Variants in ERC2 observed in about 807,000 individuals in gnomAD.
ERC2 encodes the protein ERC protein 2.
In ERC2, 42 loss-of-function variants were observed where a neutral mutation model predicts 114.8. The observed-to-expected ratio is 0.37, with a 90% CI of 0.29 to 0.47. The LOEUF is 0.47. Among genes scored for constraint, ERC2 ranks in the 20% least tolerant of loss-of-function variants. The pLI, the probability that ERC2 is intolerant of heterozygous loss-of-function variation, is 0.99. For synonymous variants in ERC2, 454 were observed against 425.5 expected (o/e 1.07, Z -0.82); for missense variants, 939 against 1,150.7 (o/e 0.82, Z 2.66).
chr3:56,202,881 C>G (rs1373088885), intron 3 of ERC2, among the ~76,000 whole-genome samples: 1 of 152,096 alleles, frequency 6.6e-6, no homozygotes, highest in African/African-American at 2.4e-5. Flanking sequence ...CTTAAGTGTT[C>G]TAACCACAAA....
At chr3:55,865,474 A>G (rs1278842568) in intron 14 of ERC2, among the ~76,000 whole-genome samples, 1 of 152,100 alleles carries the variant, frequency 6.6e-6, no homozygotes, top group African/African-American at 2.4e-5. Context: ...CATACCATAC[A>G]ATTCACCTAC....
intron 17 of ERC2, among the ~76,000 whole-genome samples, chr3:55,517,730 A>G (rs550239164): frequency 6.0e-4 from 92 of 152,184 alleles, no homozygotes; most frequent in African/African-American, 2.1e-3. Context: ...TCTTGCATAT[A>G]CTCTGGCCAC....
chr3:56,218,232 T>A (rs1381721753), intron 3 of ERC2, among the ~76,000 whole-genome samples: 1 of 152,032 alleles, frequency 6.6e-6, no homozygotes, highest in African/African-American at 2.4e-5. Context: ...ATTTTTGCAA[T>A]CTACTCATCT....
chr3:56,004,979 G>C (rs1363809301), intron 10 of ERC2, among the ~76,000 whole-genome samples: 4 of 149,032 alleles, frequency 2.7e-5, no homozygotes, highest in Admixed American at 6.7e-5. Flanking sequence ...TTTTTTTAAG[G>C]TGATGGGTAT....
At chr3:56,180,233 G>T (rs2083215771) in intron 3 of ERC2, among the ~76,000 whole-genome samples, 2 of 152,152 alleles carry the variant, frequency 1.3e-5, no homozygotes, top group Admixed American at 1.3e-4. Context: ...TTGGGGGATG[G>T]CAGGAGTGAA....
At chr3:56,323,045 A>T (rs2057199062) in intron 2 of ERC2, among the ~76,000 whole-genome samples, 1 of 152,094 alleles carries the variant, frequency 6.6e-6, no homozygotes, top group African/African-American at 2.4e-5. Flanking sequence ...GTCTGTACAC[A>T]CTGTGCTTCC....
chr3:56,349,393 C>A (rs180989616), intron 2 of ERC2, among the ~76,000 whole-genome samples: 1 of 152,330 alleles, frequency 6.6e-6, no homozygotes, highest in Admixed American at 6.5e-5. Flanking sequence ...TACAATTACC[C>A]AATCTCTAAG....
At chr3:56,052,216 G>A (rs934191697) in intron 7 of ERC2, among the ~76,000 whole-genome samples, 3 of 152,170 alleles carry the variant, frequency 2.0e-5, no homozygotes, top group Non-Finnish European at 2.9e-5. Context: ...TGTTTGCTCT[G>A]TGAAAAGCTA....
chr3:56,190,245 C>G lies in ERC2; in HGVS notation c.1075-16725G>C, dbSNP rs1428444606. Reference sequence around the variant, plus strand: ...TTTTATTTGCAAACCTCTTCTTGCTCTGCCACCAACAAGCTGTGAAACCTT... The same window carrying G: ...TTTTATTTGCAAACCTCTTCTTGCTGTGCCACCAACAAGCTGTGAAACCTT... On this transcript the variant is annotated intron_variant, in intron 3 of 17. Transcript: ENST00000288221. Among the ~76,000 whole-genome samples the G allele has an allele frequency of 2.0e-5, 3 of 152,170 alleles. No homozygotes were observed. In the East Asian group the frequency reaches 5.8e-4, roughly 29 times the overall value.
intron 7 of ERC2, among the ~76,000 whole-genome samples, chr3:56,065,499 T>C (rs989620506): frequency 6.6e-6 from 1 of 152,004 alleles, no homozygotes; most frequent in Non-Finnish European, 1.5e-5. Context: ...CCTCATGATA[T>C]TCTGACATGG....
chr3:55,888,395 T>C lies in ERC2; in HGVS notation c.2558A>G (p.Glu853Gly). Residue 853 changes from glutamate to glycine, a missense_variant, in exon 14 of 18, where the codon GAG becomes GGG. Around this residue, in one of 5 missense-constraint regions of ERC2, gnomAD observed 328 missense variants for 353.9 expected, o/e 0.93. Transcript: ENST00000288221. ...AGCAGCAATGGGTACTCACTTCATC[T>C]CCAGGATCTCCTCCAGCTGTTTCCT... ...ERRKQLEEILEMKQEALLAAI... is the reference protein window; with the variant it reads ...ERRKQLEEILGMKQEALLAAI... 2 of 1,613,812 alleles carry C rather than the reference T, an allele frequency of 1.2e-6. No individual in the cohort carries two copies. Among genetic ancestry groups the C allele is most frequent in the Non-Finnish European group, 1.7e-6 (2 of 1,179,780 alleles).
At chr3:55,849,117 C>T (rs1282188036) in intron 14 of ERC2, among the ~76,000 whole-genome samples, 2 of 152,186 alleles carry the variant, frequency 1.3e-5, no homozygotes, top group East Asian at 3.9e-4. Context: ...CAGTCACTCT[C>T]ATTTTCTATG....
chr3:55,591,054 C>T (rs562376970), intron 17 of ERC2, among the ~76,000 whole-genome samples: 1 of 152,256 alleles, frequency 6.6e-6, no homozygotes, highest in South Asian at 2.1e-4. Flanking sequence ...GTCTCGAACT[C>T]CTGACCTCGT....
chr3:55,962,604 C>T (rs930852852), intron 12 of ERC2, among the ~76,000 whole-genome samples: 7 of 152,220 alleles, frequency 4.6e-5, no homozygotes, highest in Admixed American at 2.6e-4. Flanking sequence ...TACTCTGTGA[C>T]ATCACATGAT....
intron 1 of ERC2, among the ~76,000 whole-genome samples, chr3:56,437,742 C>T (rs1291437361): frequency 6.6e-6 from 1 of 152,092 alleles, no homozygotes; most frequent in Non-Finnish European, 1.5e-5. Flanking sequence ...AAGAGGGGAT[C>T]AATAGTTCTA....
At chr3:55,548,419 G>A (rs1255234736) in intron 17 of ERC2, among the ~76,000 whole-genome samples, 1 of 152,136 alleles carries the variant, frequency 6.6e-6, no homozygotes, top group Non-Finnish European at 1.5e-5. Context: ...TGGGTTTTTT[G>A]CAAATGAGAC....
intron 13 of ERC2, among the ~76,000 whole-genome samples, chr3:55,913,271 T>C (rs1324881262): frequency 6.6e-6 from 1 of 152,200 alleles, no homozygotes; most frequent in African/African-American, 2.4e-5. Flanking sequence ...CATTTTTTCA[T>C]GGCCACAGTG....
chr3:55,587,648 ACT>A (rs1219890695), intron 17 of ERC2, among the ~76,000 whole-genome samples: 1 of 152,142 alleles, frequency 6.6e-6, no homozygotes, highest in African/African-American at 2.4e-5. Flanking sequence ...CTGCAGAATT[ACT>A]CTCCAAAGTG....
intron 1 of ERC2, among the ~76,000 whole-genome samples, chr3:56,456,157 T>G (rs752030001): frequency 6.6e-6 from 1 of 152,222 alleles, no homozygotes; most frequent in Non-Finnish European, 1.5e-5. Flanking sequence ...CCACAGTGCA[T>G]CATTTTAACA....
Sources: allele counts gnomAD v4.1 joint callset (sites outside exome capture counted in the v4.1 genomes callset), GRCh38; gene constraint gnomAD v4.1.1; regional missense constraint gnomAD v4.1.1; transcripts MANE v1.5; gene names NCBI Gene and HGNC (gene_info 2026-07-23, HGNC 2026-07-21).